ELMO1: variants seen among roughly 807,000 people sequenced by gnomAD.
ELMO1 encodes the protein engulfment and cell motility protein 1.
Under a neutral mutation model 98.9 loss-of-function variants are expected in ELMO1, and 26 were observed. That is an observed-to-expected ratio of 0.26 (90% CI 0.19 to 0.36). ELMO1 has a LOEUF of 0.36. Among genes scored for constraint, ELMO1 ranks in the 10% least tolerant of loss-of-function variants. The pLI, the probability that ELMO1 is intolerant of heterozygous loss-of-function variation, is 1.00. For missense variants in ELMO1, 627 were observed against 935.2 expected (o/e 0.67, Z 4.30); for synonymous variants, 346 against 346.0 (o/e 1.00, Z 0.00).
At chr7:37,043,435 G>C (rs932611352) in intron 15 of ELMO1, among the ~76,000 whole-genome samples, 1 of 152,188 alleles carries the variant, frequency 6.6e-6, no homozygotes, top group Non-Finnish European at 1.5e-5. Context: ...GCCAGGGCCA[G>C]GTGTTGGGGG....
intron 1 of ELMO1, among the ~76,000 whole-genome samples, chr7:37,359,309 TCTGA>T (rs1583622233): frequency 6.6e-6 from 1 of 152,366 alleles, no homozygotes; most frequent in East Asian, 1.9e-4. Context: ...CTGATTGGAC[TCTGA>T]CTGTCTGTAT....
At chr7:37,362,206 G>A (rs567073293) in intron 1 of ELMO1, among the ~76,000 whole-genome samples, 2 of 147,878 alleles carry the variant, frequency 1.4e-5, no homozygotes, top group East Asian at 4.1e-4. Flanking sequence ...TACCTCAATA[G>A]AAATGTATAT....
intron 15 of ELMO1, among the ~76,000 whole-genome samples, chr7:37,054,685 C>A (rs1257704899): frequency 6.6e-6 from 1 of 152,106 alleles, no homozygotes; most frequent in African/African-American, 2.4e-5. Flanking sequence ...TATGAGAGAT[C>A]TGTCTATTTC....
At chr7:37,002,516 A>C (rs924294896) in intron 16 of ELMO1, among the ~76,000 whole-genome samples, 2 of 152,242 alleles carry the variant, frequency 1.3e-5, no homozygotes, top group Non-Finnish European at 2.9e-5. Flanking sequence ...TTTGGCCACT[A>C]ATCAGTTTCA....
At chr7:36,903,487 A>G (rs920209699) in intron 16 of ELMO1, among the ~76,000 whole-genome samples, 1 of 152,244 alleles carries the variant, frequency 6.6e-6, no homozygotes, top group Non-Finnish European at 1.5e-5. Flanking sequence ...TAATGGGCTC[A>G]TCAAATGACT....
chr7:37,124,390 C>T (rs936612374), intron 14 of ELMO1, among the ~76,000 whole-genome samples: 7 of 152,128 alleles, frequency 4.6e-5, no homozygotes, highest in African/African-American at 1.7e-4. Context: ...AAAACCCCAT[C>T]ATCTCAGCCC....
At chr7:37,433,410 C>T (rs1805013971) in intron 1 of ELMO1, among the ~76,000 whole-genome samples, 1 of 152,142 alleles carries the variant, frequency 6.6e-6, no homozygotes, top group Admixed American at 6.5e-5. Flanking sequence ...GGAGCAAATG[C>T]TAGAAGTCAC....
At chr7:37,315,237 A>T (rs1799091989) in intron 3 of ELMO1, among the ~76,000 whole-genome samples, 1 of 152,220 alleles carries the variant, frequency 6.6e-6, no homozygotes, top group African/African-American at 2.4e-5. Flanking sequence ...GGATTGAAGC[A>T]AAGAAAGAAA....
intron 14 of ELMO1, among the ~76,000 whole-genome samples, chr7:37,108,123 A>T (rs1206804543): frequency 6.6e-6 from 1 of 152,242 alleles, no homozygotes; most frequent in African/African-American, 2.4e-5. Context: ...CTTGAGGTTA[A>T]AAAAGCATGT....
intron 13 of ELMO1, 59 bp downstream of exon 13, chr7:37,211,327 G>T: frequency 6.2e-7 from 1 of 1,611,070 alleles, no homozygotes; most frequent in Admixed American, 1.7e-5. Context: ...CAGTTATGTG[G>T]CTGAGGTCAG....
intron 5 of ELMO1, chr7:37,269,840 C>G (rs1796465355): frequency 6.6e-6 from 1 of 152,166 alleles, no homozygotes; most frequent in Non-Finnish European, 1.5e-5. Context: ...AACACAAATT[C>G]CATTCTTCCT....
intron 13 of ELMO1, among the ~76,000 whole-genome samples, chr7:37,203,348 C>T (rs1327022871): frequency 6.6e-6 from 1 of 152,154 alleles, no homozygotes; most frequent in African/African-American, 2.4e-5. Context: ...GAGGGTCGTA[C>T]CCTGAGGGAG....
At chr7:37,383,707 A>C (rs919534582) in intron 1 of ELMO1, among the ~76,000 whole-genome samples, 1 of 152,174 alleles carries the variant, frequency 6.6e-6, no homozygotes, top group African/African-American at 2.4e-5. Context: ...TTTCCTTTTA[A>C]TGTCGTAACT....
chr7:37,117,527 T>A (rs938479119), intron 14 of ELMO1, among the ~76,000 whole-genome samples: 3 of 152,200 alleles, frequency 2.0e-5, no homozygotes, highest in African/African-American at 7.2e-5. Flanking sequence ...AAGCATTCCA[T>A]TCAAATCACT....
At chr7:37,255,815 G>A (rs1032791714) in intron 6 of ELMO1, among the ~76,000 whole-genome samples, 3 of 115,570 alleles carry the variant, frequency 2.6e-5, no homozygotes, top group African/African-American at 1.1e-4. Context: ...ATAAACAGGG[G>A]TAAACATTTT....
At chr7:37,332,564 A>G (rs947166090) in intron 2 of ELMO1, among the ~76,000 whole-genome samples, 3 of 152,278 alleles carry the variant, frequency 2.0e-5, no homozygotes, top group African/African-American at 7.2e-5. Flanking sequence ...GGATGGAAGA[A>G]TAAACAGGTG....
At chr7:37,318,947 A>G (rs1467673557) in intron 2 of ELMO1, among the ~76,000 whole-genome samples, 1 of 152,168 alleles carries the variant, frequency 6.6e-6, no homozygotes, top group Non-Finnish European at 1.5e-5. Context: ...TCTCCTACAC[A>G]TATAACTAAT....
chr7:37,157,473 A>G (rs973376983), intron 13 of ELMO1, among the ~76,000 whole-genome samples: 2 of 152,210 alleles, frequency 1.3e-5, no homozygotes, highest in African/African-American at 2.4e-5. Context: ...GCAAAGTCTC[A>G]GGATACAAAA....
intron 16 of ELMO1, among the ~76,000 whole-genome samples, chr7:36,932,488 G>A (rs755779065): frequency 3.4e-4 from 52 of 152,316 alleles, no homozygotes; most frequent in Non-Finnish European, 7.4e-4. Flanking sequence ...GCAAGTCTTT[G>A]TACTTCAGAA....
Sources: gnomAD v4.1 joint callset for allele counts (sites outside exome capture counted in the v4.1 genomes callset) on GRCh38, gnomAD v4.1.1 for gene constraint, MANE v1.5 for transcripts, NCBI Gene and HGNC (gene_info 2026-07-23, HGNC 2026-07-21) for gene names.